Variants in MYT1L observed in about 807,000 individuals in gnomAD.
MYT1L encodes myelin transcription factor 1 like.
MYT1L carries 12 observed loss-of-function variants against 126.7 expected under a neutral mutation model. The observed-to-expected ratio is 0.09, with a 90% confidence interval of 0.06 to 0.15. The LOEUF (loss-of-function observed/expected upper bound fraction) is 0.15. MYT1L is among the 10% of genes least tolerant of loss of function. The probability of loss-of-function intolerance (pLI) is 1.00; values close to 1 mark genes in which losing one functional copy is unlikely to be tolerated. For missense variants in MYT1L, 979 were observed against 1,585.2 expected (o/e 0.62, Z 6.49); for synonymous variants, 541 against 604.2 (o/e 0.90, Z 1.53).
At chr2:2,184,617 A>C (rs1440771157) in intron 2 of MYT1L, among the ~76,000 whole-genome samples, 4 of 152,138 alleles carry the variant, frequency 2.6e-5, no homozygotes, top group Non-Finnish European at 4.4e-5. Context: ...TGTCCAAACA[A>C]AGGAATAACA....
intron 3 of MYT1L, among the ~76,000 whole-genome samples, chr2:2,102,420 A>C: frequency 6.6e-6 from 1 of 152,194 alleles, no homozygotes; most frequent in East Asian, 1.9e-4. Context: ...CTACTAGGGA[A>C]AGACTTTTTT....
At chr2:2,048,253 T>C (rs2068422316) in intron 4 of MYT1L, among the ~76,000 whole-genome samples, 1 of 152,094 alleles carries the variant, frequency 6.6e-6, no homozygotes, top group African/African-American at 2.4e-5. Context: ...AAAAATAAAA[T>C]AAAACTTATA....
chr2:2,124,886 T>G (rs1019610436), intron 3 of MYT1L, among the ~76,000 whole-genome samples: 2 of 152,204 alleles, frequency 1.3e-5, no homozygotes, highest in African/African-American at 4.8e-5. Context: ...AGGTCGGTGC[T>G]GGCCTCTCCC....
At chr2:1,796,560 G>C (rs2033551972) in intron 23 of MYT1L, among the ~76,000 whole-genome samples, 1 of 152,172 alleles carries the variant, frequency 6.6e-6, no homozygotes, top group South Asian at 2.1e-4. Context: ...CTCGCACCAG[G>C]AGCTGGGGGG....
chr2:2,090,429 C>T (rs746298076), intron 3 of MYT1L, among the ~76,000 whole-genome samples: 1 of 152,142 alleles, frequency 6.6e-6, no homozygotes, highest in Non-Finnish European at 1.5e-5. Flanking sequence ...TAAAAATGTA[C>T]ATATCTTAAT....
At chr2:2,263,549 C>T (rs530652212) in intron 2 of MYT1L, among the ~76,000 whole-genome samples, 172 of 152,282 alleles carry the variant, frequency 1.1e-3, no homozygotes, top group African/African-American at 4.0e-3. Context: ...CAGAGCATAA[C>T]TGGTGCTGGG....
chr2:2,083,584 G>A (rs550069733), intron 3 of MYT1L, among the ~76,000 whole-genome samples: 52 of 152,326 alleles, frequency 3.4e-4, no homozygotes, highest in African/African-American at 1.1e-3. Context: ...ATAGGAAACC[G>A]GTTTAACCAG....
At chr2:2,108,433 A>T (rs2079011335) in intron 3 of MYT1L, among the ~76,000 whole-genome samples, 1 of 152,132 alleles carries the variant, frequency 6.6e-6, no homozygotes, top group African/African-American at 2.4e-5. Flanking sequence ...CTTCATCCTA[A>T]CACCTTGTCT....
chr2:1,958,325 C>A (rs17247422), intron 8 of MYT1L, among the ~76,000 whole-genome samples: 4,009 of 150,394 alleles, frequency 0.027, 64 homozygotes, highest in Non-Finnish European at 0.042. Flanking sequence ...ACCCAGAGAA[C>A]CAGAGGAAGA....
At chr2:2,261,589 A>C (rs887660137) in intron 2 of MYT1L, among the ~76,000 whole-genome samples, 1 of 152,236 alleles carries the variant, frequency 6.6e-6, no homozygotes, top group Admixed American at 6.5e-5. Context: ...TTGGCTAATG[A>C]GGCAAATAGC....
chr2:1,969,861 T>A (rs148576154), intron 8 of MYT1L, among the ~76,000 whole-genome samples: 262 of 152,308 alleles, frequency 1.7e-3, no homozygotes, highest in African/African-American at 6.2e-3. Context: ...TAAGTCATCC[T>A]CGGCACTTCC....
chr2:1,990,207 C>T (rs906291546), intron 5 of MYT1L, among the ~76,000 whole-genome samples: 12 of 152,238 alleles, frequency 7.9e-5, no homozygotes, highest in East Asian at 5.8e-4. Context: ...CATTCCTGGG[C>T]GGACGCCATC....
intron 21 of MYT1L, among the ~76,000 whole-genome samples, chr2:1,826,621 A>G (rs1324529308): frequency 6.6e-6 from 1 of 152,168 alleles, no homozygotes; most frequent in African/African-American, 2.4e-5. Context: ...AGATTAAAGG[A>G]AAAGAAGCAA....
intron 4 of MYT1L, among the ~76,000 whole-genome samples, chr2:2,004,368 T>G (rs1318257566): frequency 2.8e-5 from 4 of 141,792 alleles, no homozygotes; most frequent in Admixed American, 6.9e-5. Context: ...CTTTCCTGTG[T>G]GCCTTCTTTC....
intron 4 of MYT1L, among the ~76,000 whole-genome samples, chr2:2,052,568 T>C (rs1317478567): frequency 1.3e-5 from 2 of 152,138 alleles, no homozygotes; most frequent in African/African-American, 2.4e-5. Context: ...CTATAATATA[T>C]AAGAATTCCT....
chr2:2,141,990 G>A (rs1185414833), intron 3 of MYT1L, among the ~76,000 whole-genome samples: 1 of 152,124 alleles, frequency 6.6e-6, no homozygotes, highest in Non-Finnish European at 1.5e-5. Flanking sequence ...TCTCCCACAC[G>A]GGAAAGCTTA....
chr2:2,114,848 T>C (rs1442739467), intron 3 of MYT1L, among the ~76,000 whole-genome samples: 1 of 152,192 alleles, frequency 6.6e-6, no homozygotes, highest in African/African-American at 2.4e-5. Context: ...GTTTCCGTCA[T>C]CACGTGCATA....
intron 2 of MYT1L, among the ~76,000 whole-genome samples, chr2:2,264,209 T>G (rs892918089): frequency 6.6e-6 from 1 of 152,088 alleles, no homozygotes; most frequent in African/African-American, 2.4e-5. Context: ...TGGATCTCTA[T>G]CTCATGCAAG....
chr2:2,290,316 G>A (rs768699523), intron 1 of MYT1L, among the ~76,000 whole-genome samples: 2 of 152,196 alleles, frequency 1.3e-5, no homozygotes, highest in Non-Finnish European at 2.9e-5. Context: ...TGAGGAGCGA[G>A]GCCTTCGTCT....
Sources: allele counts gnomAD v4.1 joint callset (sites outside exome capture counted in the v4.1 genomes callset), GRCh38; gene constraint gnomAD v4.1.1; transcripts MANE v1.5; gene names NCBI Gene and HGNC (gene_info 2026-07-23, HGNC 2026-07-21).